Variants in KLF7 observed in about 807,000 individuals in gnomAD.
The protein encoded by KLF7 is KLF transcription factor 7, also known as Krueppel-like factor 7.
A neutral mutation model predicts 27.3 loss-of-function variants in KLF7; 2 were observed. The observed-to-expected ratio is 0.07, with a 90% CI of 0.03 to 0.23. The LOEUF is 0.23. KLF7 is among the 10% of genes least tolerant of loss of function. KLF7 has a pLI of 1.00. For missense variants in KLF7, 221 were observed against 394.1 expected (o/e 0.56, Z 3.72); for synonymous variants, 165 against 162.4 (o/e 1.02, Z -0.12).
intron 1 of KLF7, among the ~76,000 whole-genome samples, chr2:207,133,409 A>G (rs1037139445): frequency 3.9e-5 from 6 of 152,216 alleles, no homozygotes; most frequent in African/African-American, 1.4e-4. Context: ...CCAATGGGAA[A>G]AACCCATCAC....
At chr2:207,156,870 A>G (rs1192331342) in intron 1 of KLF7, among the ~76,000 whole-genome samples, 1 of 152,112 alleles carries the variant, frequency 6.6e-6, no homozygotes, top group Non-Finnish European at 1.5e-5. Context: ...GAAGCAGGTA[A>G]CCCCAACTCT....
chr2:207,098,110 AT>A (rs890283877), intron 2 of KLF7, among the ~76,000 whole-genome samples: 5 of 151,318 alleles, frequency 3.3e-5, no homozygotes, highest in African/African-American at 1.2e-4. Context: ...TATATTTATT[AT>A]TTTTTTTAAG....
chr2:207,166,752 C>G, upstream of KLF7: 3 of 978,138 alleles, frequency 3.1e-6, no homozygotes, highest in Non-Finnish European at 3.6e-6. Flanking sequence ...GAGGTCCTCA[C>G]GTACTCAAAA....
At chr2:207,107,050 G>T (rs142953313) in intron 2 of KLF7, among the ~76,000 whole-genome samples, 12 of 152,098 alleles carry the variant, frequency 7.9e-5, no homozygotes, top group Admixed American at 7.9e-4. Flanking sequence ...AGGATTTCAC[G>T]AAATGGCTGT....
At position 207,075,952 on chromosome 2, in the gene KLF7, G is replaced by A. The variant is rs1344546145; in HGVS notation, c.*5261C>T. ...AAATCGTTCTGCCTCCAGTCCAAAGGCCTAGGTTTAAAATGTCCCCTCTGC... is the reference window on the plus strand; with the variant it reads ...AAATCGTTCTGCCTCCAGTCCAAAGACCTAGGTTTAAAATGTCCCCTCTGC... On this transcript the variant is annotated 3_prime_UTR_variant, in exon 4 of 4. Coordinates refer to ENST00000309446, the MANE Select transcript of KLF7 (RefSeq NM_003709.4). 6.6e-6 allele frequency: 1 copy of A among 151,996 alleles called. No homozygotes were observed. The highest frequency in any genetic ancestry group is 1.5e-5 in the Non-Finnish European group (1 of 68,000). The allele number at this position is 151,996 out of a possible 1,614,324, so 9.4% of individuals were successfully genotyped here.
intron 1 of KLF7, among the ~76,000 whole-genome samples, chr2:207,137,382 G>A (rs1360380321): frequency 2.6e-5 from 4 of 152,112 alleles, no homozygotes; most frequent in Non-Finnish European, 5.9e-5. Flanking sequence ...ACTTACACAG[G>A]TGAGGTCCTT....
At chr2:207,149,289 T>C (rs2078177782) in intron 1 of KLF7, 1 of 517,582 alleles carries the variant, frequency 1.9e-6, no homozygotes, top group African/African-American at 2.0e-5. Flanking sequence ...CTTTGTCTTC[T>C]AGACTAGCCA....
At chr2:207,158,044 C>G (rs1446416414) in intron 1 of KLF7, among the ~76,000 whole-genome samples, 1 of 152,040 alleles carries the variant, frequency 6.6e-6, no homozygotes, top group East Asian at 1.9e-4. Context: ...GCCTGAAACC[C>G]AGGGAAATAT....
At chr2:207,163,954 A>C (rs2078623544) in intron 1 of KLF7, among the ~76,000 whole-genome samples, 2 of 152,250 alleles carry the variant, frequency 1.3e-5, no homozygotes. Flanking sequence ...CTTTATTCTA[A>C]AAATATGTGA....
At chr2:207,115,191 G>C (rs933857332) in intron 2 of KLF7, among the ~76,000 whole-genome samples, 7 of 151,348 alleles carry the variant, frequency 4.6e-5, no homozygotes, top group African/African-American at 1.5e-4. Flanking sequence ...AAAAAAAAAG[G>C]GGGGGTATGC....
At chr2:207,142,651 C>T (rs953497494) in intron 1 of KLF7, among the ~76,000 whole-genome samples, 4 of 152,108 alleles carry the variant, frequency 2.6e-5, no homozygotes, top group African/African-American at 9.7e-5. Context: ...CAGACCTTGG[C>T]AAATGAGTGA....
chr2:207,077,074 AAAGAG>A lies in KLF7; in HGVS notation c.*4134_*4138del, dbSNP rs1351349429. 6.6e-6 allele frequency: 1 copy of A among 152,210 alleles called. No individual in the cohort carries two copies. The highest frequency in any genetic ancestry group is 2.4e-5 in the African/African-American group (1 of 41,444). 9.4% of individuals were successfully genotyped at this position (152,210 alleles called of 1,614,324 possible). On this transcript the variant is annotated 3_prime_UTR_variant, in exon 4 of 4. Transcript: ENST00000309446. ...CCTGCTCCTAAAAGCAACTCATGCA[AAAGAG>A]AAGACAGAAGCACTTCCCACTTTTT...
Position 207,075,106 on chromosome 2 carries a change from TCTA to T in KLF7, c.*6104_*6106del, listed in dbSNP as rs2076151766. On this transcript the variant is annotated 3_prime_UTR_variant, in exon 4 of 4. Coordinates refer to ENST00000309446, the MANE Select transcript of KLF7 (RefSeq NM_003709.4). Reference sequence around the variant, plus strand: ...TAAAGTATTCCAAGGCCAAACACATTCTACTGTTTATTACACATATTACATTCT... The same window carrying T: ...TAAAGTATTCCAAGGCCAAACACATTCTGTTTATTACACATATTACATTCT... The T allele has an allele frequency of 6.6e-6, 1 of 152,144 alleles. No homozygotes were observed. 9.4% of individuals were successfully genotyped at this position (152,144 alleles called of 1,614,324 possible).
At chr2:207,129,196 C>A (rs1386480502) in intron 1 of KLF7, among the ~76,000 whole-genome samples, 1 of 152,130 alleles carries the variant, frequency 6.6e-6, no homozygotes, top group East Asian at 1.9e-4. Flanking sequence ...AATGTTTTTC[C>A]ACTAGAACCA....
chr2:207,111,324 G>C (rs2077031327), intron 2 of KLF7, among the ~76,000 whole-genome samples: 1 of 152,170 alleles, frequency 6.6e-6, no homozygotes, highest in Non-Finnish European at 1.5e-5. Flanking sequence ...GCCCATCTGT[G>C]TGGAATGCTC....
chr2:207,135,285 C>T (rs1277545529), intron 1 of KLF7, among the ~76,000 whole-genome samples: 3 of 151,406 alleles, frequency 2.0e-5, no homozygotes, highest in Non-Finnish European at 4.4e-5. Flanking sequence ...TTCAGAGGAA[C>T]TGATAGATAG....
intron 2 of KLF7, among the ~76,000 whole-genome samples, chr2:207,107,611 C>T (rs1202063869): frequency 6.6e-6 from 1 of 152,164 alleles, no homozygotes; most frequent in Non-Finnish European, 1.5e-5. Context: ...TTGCCTGGGC[C>T]CCAGAGGTTC....
At chr2:207,122,147 C>G (rs1290081003) in intron 2 of KLF7, 2 of 152,164 alleles carry the variant, frequency 1.3e-5, no homozygotes, top group Admixed American at 1.3e-4. Context: ...AGAACAATAT[C>G]AAAGAAGCAA....
At chr2:207,167,200 T>C (rs1025914022), upstream of KLF7, 11 of 1,365,960 alleles carry the variant, frequency 8.1e-6, no homozygotes, top group African/African-American at 1.5e-4. Context: ...ACTCGATTTC[T>C]CGTTTTCTGG....
Sources: gnomAD v4.1 joint callset for allele counts (sites outside exome capture counted in the v4.1 genomes callset) on GRCh38, gnomAD v4.1.1 for gene constraint, MANE v1.5 for transcripts, NCBI Gene and HGNC (gene_info 2026-07-23, HGNC 2026-07-21) for gene names.